The following ITGA4 variants were observed in gnomAD, a reference collection of about 807,000 sequenced individuals.
The protein encoded by ITGA4 is integrin subunit alpha 4.
A neutral mutation model predicts 133.6 loss-of-function variants in ITGA4; 63 were observed. The ratio of observed to expected loss-of-function variants is 0.47; its 90% CI spans 0.38 to 0.58. The LOEUF (loss-of-function observed/expected upper bound fraction) is 0.58. ITGA4 is among the 20% of genes least tolerant of loss of function. The pLI, the probability that ITGA4 is intolerant of heterozygous loss-of-function variation, is 0.00. For synonymous variants in ITGA4, 483 were observed against 438.0 expected, an observed-to-expected ratio of 1.10 and a Z score of -1.28; for missense variants, 1,076 against 1,252.7, an observed-to-expected ratio of 0.86 and a Z score of 2.13.
intron 15 of ITGA4, among the ~76,000 whole-genome samples, chr2:181,500,890 T>C (rs1316125149): frequency 6.6e-6 from 1 of 152,030 alleles, no homozygotes. Flanking sequence ...ATGATAAAAA[T>C]ATACATTTTA....
chr2:181,535,011 T>C (rs1182519582), intron 27 of ITGA4, 76 bp downstream of exon 27: 1 of 1,443,344 alleles, frequency 6.9e-7, no homozygotes, highest in Admixed American at 2.6e-5. Context: ...TTCCAAGTTA[T>C]TAGATTTAAA....
At chr2:181,477,409 C>T (rs945157955) in intron 4 of ITGA4, among the ~76,000 whole-genome samples, 4 of 152,044 alleles carry the variant, frequency 2.6e-5, no homozygotes, top group African/African-American at 9.7e-5. Context: ...AGATAATCAA[C>T]AGAGTGAAGA....
Position 181,535,582 on chromosome 2 carries a change from TTTAAAAGACACTG to T in ITGA4, c.*58_*70del. Reference sequence around the variant, plus strand: ...ACAGACTCAGGTTGTAGTAAAGAAATTTAAAAGACACTGTTTACAAGAAAAAATGAATTTTGTT... The same window carrying T: ...ACAGACTCAGGTTGTAGTAAAGAAATTTTACAAGAAAAAATGAATTTTGTT... On this transcript the variant is annotated 3_prime_UTR_variant, in exon 28 of 28. Coordinates refer to ENST00000397033, the MANE Select transcript of ITGA4 (RefSeq NM_000885.6). 1 of 1,539,418 alleles carries T rather than the reference TTTAAAAGACACTG, an allele frequency of 6.5e-7. No individual in the cohort carries two copies. Among genetic ancestry groups the T allele is most frequent in the South Asian group, 1.3e-5 (1 of 76,956 alleles).
At position 181,461,281 on chromosome 2, in the gene ITGA4, A is replaced by G. The variant is rs377303711; in HGVS notation, c.319+2964A>G. ...CAAGTTGACTGCAGAGCCAGCACCA[A>G]GAGAGTTGCCTGGATAGTACCGCAA... On this transcript the variant is annotated intron_variant, in intron 2 of 27. Transcript: ENST00000397033. 3.1e-4 allele frequency among the ~76,000 whole-genome samples: 47 copies of G among 150,298 alleles called. No individual in the cohort carries two copies. The East Asian group carries it at 8.4e-3, about 27-fold the overall frequency.
rs1384975780 is a variant in ITGA4 at position 181,535,672 on chromosome 2, G to GA, written c.*149dup. On this transcript the variant is annotated 3_prime_UTR_variant, in exon 28 of 28. Transcript: ENST00000397033. ...GACATATTATGTCTTCATGCAAGGG[G>GA]AAAATCTCAGCAATGATTACTCTTT... 1.8e-5 allele frequency: 18 copies of GA among 997,858 alleles called. No homozygotes were observed. The highest frequency in any genetic ancestry group is 1.6e-4 in the East Asian group (6 of 36,998). 61.8% of individuals were successfully genotyped at this position (997,858 alleles called of 1,614,324 possible).
intron 25 of ITGA4, among the ~76,000 whole-genome samples, chr2:181,532,875 G>C (rs987363154): frequency 4.6e-5 from 7 of 152,020 alleles, no homozygotes; most frequent in Non-Finnish European, 8.8e-5. Context: ...ATTGGCTATG[G>C]GTTTGTCATA....
In ITGA4 at chr2:181,534,812, G is replaced by A. The variant is rs201459820; in HGVS notation, c.2884-4G>A. On this transcript the variant is annotated splice_region_variant and splice_polypyrimidine_tract_variant and intron_variant, in intron 26 of 27. Transcript: ENST00000397033. The stretch of plus-strand genomic sequence containing the variant: ...TTGAGTTTTATTTTTCTTAACTCAC[G>A]TAGGTTCTACTGGAAGGACTACATC... 5.6e-5 allele frequency: 88 copies of A among 1,574,178 alleles called. No individual in the cohort carries two copies. In the African/African-American group the frequency reaches 1.1e-3, roughly 19 times the overall value.
In ITGA4 at chr2:181,523,239, TAC is replaced by T; in HGVS notation, c.2074-194_2074-193del. On this transcript the variant is annotated intron_variant, in intron 18 of 27. Coordinates refer to ENST00000397033, the MANE Select transcript of ITGA4 (RefSeq NM_000885.6). This position sits in a 1 kb window ranked among gnomAD's most constrained non-coding sequence, Gnocchi z 4.2. Reference sequence around the variant, plus strand: ...ACACACATATATACATACATATATATACACATACATATATACACACATGCACA... The same window carrying T: ...ACACACATATATACATACATATATATACATACATATATACACACATGCACA... 1 of 464,022 alleles carries T rather than the reference TAC, an allele frequency of 2.2e-6. No homozygotes were observed. Among genetic ancestry groups the T allele is most frequent in the African/African-American group, 2.0e-5 (1 of 50,844 alleles). 28.7% of individuals were successfully genotyped at this position (464,022 alleles called of 1,614,324 possible). A position where few individuals can be genotyped will look rare whatever the true frequency, so the allele number is the denominator to read the frequency against.
intron 21 of ITGA4, among the ~76,000 whole-genome samples, chr2:181,526,849 T>C (rs1686841348): frequency 8.3e-6 from 1 of 119,872 alleles, no homozygotes; most frequent in Admixed American, 9.1e-5. Flanking sequence ...TTTTTTTTTT[T>C]TTTTAAGAGT....
At chr2:181,501,207 C>T (rs1245804152) in intron 15 of ITGA4, among the ~76,000 whole-genome samples, 1 of 152,134 alleles carries the variant, frequency 6.6e-6, no homozygotes, top group East Asian at 1.9e-4. Context: ...TGAGAATGTG[C>T]ATTTCTGCAA....
intron 2 of ITGA4, among the ~76,000 whole-genome samples, chr2:181,464,963 A>G (rs1197165591): frequency 1.3e-5 from 2 of 152,150 alleles, no homozygotes; most frequent in African/African-American, 4.8e-5. Context: ...AATCTTTTTT[A>G]TATAAACTAT....
At chr2:181,475,945 A>C in intron 4 of ITGA4, 1 of 1,439,946 alleles carries the variant, frequency 6.9e-7, no homozygotes, top group Non-Finnish European at 9.3e-7. Context: ...TTAGGAGCTA[A>C]GAAACATATG....
At chr2:181,497,396 TC>T (rs1686177473) in intron 14 of ITGA4, among the ~76,000 whole-genome samples, 1 of 152,206 alleles carries the variant, frequency 6.6e-6, no homozygotes, top group African/African-American at 2.4e-5. Flanking sequence ...ACATTTTAAC[TC>T]TTACTAATAG....
intron 15 of ITGA4, among the ~76,000 whole-genome samples, chr2:181,508,400 G>GA (rs1361273817): frequency 6.6e-6 from 1 of 151,778 alleles, no homozygotes; most frequent in Non-Finnish European, 1.5e-5. Context: ...AATAAACTTA[G>GA]AAAAAACAAA....
intron 15 of ITGA4, among the ~76,000 whole-genome samples, chr2:181,499,868 TA>T (rs1286611657): frequency 6.6e-6 from 1 of 152,210 alleles, no homozygotes; most frequent in African/African-American, 2.4e-5. Flanking sequence ...GGGCCAACAT[TA>T]GATGTTCACA....
chr2:181,471,648 G>GTAAC (rs1347368309), intron 2 of ITGA4, among the ~76,000 whole-genome samples: 1 of 152,140 alleles, frequency 6.6e-6, no homozygotes, highest in African/African-American at 2.4e-5. Flanking sequence ...GAACCACATT[G>GTAAC]TAACAGATAT....
chr2:181,509,825 T>A lies in ITGA4; in HGVS notation c.1845+18T>A, dbSNP rs761592779. On this transcript the variant is annotated intron_variant, in intron 16 of 27. Transcript: ENST00000397033. ...AAAAAACAGTAGGAATATTTTCCTT[T>A]ATTCAAATTATTGTATGGCATTTAA... is the stretch of plus-strand genomic sequence containing the variant. The A allele has an allele frequency of 6.4e-7, 1 of 1,563,008 alleles. No individual in the cohort carries two copies. The highest frequency in any genetic ancestry group is 2.3e-5 in the East Asian group (1 of 44,282).
At chr2:181,512,702 A>G (rs1324262055) in intron 17 of ITGA4, among the ~76,000 whole-genome samples, 1 of 152,090 alleles carries the variant, frequency 6.6e-6, no homozygotes, top group Non-Finnish European at 1.5e-5. Flanking sequence ...TCTAAAGGTC[A>G]TGGAAGTTGG....
At position 181,522,351 on chromosome 2, in the gene ITGA4, G is replaced by A. The variant is rs202092639; in HGVS notation, c.2073+10G>A. ...TAAGATTTTAGAGCTGGTAAGTACTGTAAACCACAATAGCATGATACTACT... is the reference window on the plus strand; with the variant it reads ...TAAGATTTTAGAGCTGGTAAGTACTATAAACCACAATAGCATGATACTACT... On this transcript the variant is annotated intron_variant, in intron 18 of 27. Transcript: ENST00000397033. The A allele has an allele frequency of 3.5e-5, 55 of 1,576,506 alleles. No individual in the cohort carries two copies. The highest frequency in any genetic ancestry group is 4.5e-5 in the Non-Finnish European group (52 of 1,158,530).
Sources: gnomAD v4.1 joint callset for allele counts (sites outside exome capture counted in the v4.1 genomes callset) on GRCh38, gnomAD v4.1.1 for gene constraint, Gnocchi (gnomAD v3.1) non-coding constraint, MANE v1.5 for transcripts, NCBI Gene and HGNC (gene_info 2026-07-23, HGNC 2026-07-21) for gene names.